The following TSPAN7 variants were observed in gnomAD, a reference collection of about 807,000 sequenced individuals.
TSPAN7 encodes the protein tetraspanin 7.
A neutral mutation model predicts 17.6 loss-of-function variants in TSPAN7; 1 was observed. The observed-to-expected ratio is 0.06, with a 90% confidence interval of 0.02 to 0.27. The LOEUF (loss-of-function observed/expected upper bound fraction) is 0.27. TSPAN7 is among the 10% of genes least tolerant of loss of function. TSPAN7 has a pLI of 1.00. For missense variants in TSPAN7, 112 were observed against 201.7 expected (o/e 0.56, Z 2.69); for synonymous variants, 78 against 79.0 (o/e 0.99, Z 0.07).
At chrX:38,566,142 G>T (rs2069142505) in intron 1 of TSPAN7, among the ~76,000 whole-genome samples, 1 of 112,127 alleles carries the variant, frequency 8.9e-6, no homozygotes, top group Non-Finnish European at 1.9e-5. Flanking sequence ...ACACAATCAC[G>T]TGAGAAGAAA....
chrX:38,569,110 T>C (rs2069156896), intron 1 of TSPAN7, among the ~76,000 whole-genome samples: 1 of 111,421 alleles, frequency 9.0e-6, no homozygotes, highest in African/African-American at 3.3e-5. Context: ...TTGCTCTTTT[T>C]TCTGTACGTG....
chrX:38,667,802 G>A (rs1460112284), intron 2 of TSPAN7, among the ~76,000 whole-genome samples: 3 of 111,629 alleles, frequency 2.7e-5, no homozygotes, highest in Non-Finnish European at 5.7e-5. Context: ...TAAACACTAG[G>A]GTTTCTTTTG....
intron 1 of TSPAN7, among the ~76,000 whole-genome samples, chrX:38,613,406 C>G (rs963039087): frequency 8.9e-6 from 1 of 112,048 alleles, no homozygotes; most frequent in Admixed American, 9.5e-5. Flanking sequence ...AGGCTTTTCT[C>G]AGATGTCTGG....
chrX:38,666,923 A>G (rs1379500338), intron 2 of TSPAN7, among the ~76,000 whole-genome samples: 2 of 112,014 alleles, frequency 1.8e-5, no homozygotes, highest in African/African-American at 3.2e-5. Context: ...ATTTTGAACT[A>G]TATCTTAGAA....
rs745551060 is a variant in TSPAN7, at chrX:38,583,958, T to C, written c.81+22331T>C. On this transcript the variant is annotated intron_variant, in intron 1 of 7. Coordinates refer to ENST00000378482, the MANE Select transcript of TSPAN7 (RefSeq NM_004615.4). ...TTCTTTTTTTTCTTTTCTTTTTTTT[T>C]TTTTTTTTTTTTTGAGATAGAGTCT... is the stretch of plus-strand genomic sequence containing the variant. Among the ~76,000 whole-genome samples the C allele has an allele frequency of 1.1e-4, 10 of 92,612 alleles. No homozygotes were observed. The South Asian group carries it at 3.6e-3, about 34-fold the overall frequency. 80.4% of individuals were successfully genotyped at this position (92,612 alleles called of 115,157 possible).
chrX:38,648,635 C>T (rs762176630), intron 1 of TSPAN7, among the ~76,000 whole-genome samples: 2 of 111,115 alleles, frequency 1.8e-5, no homozygotes, highest in African/African-American at 3.3e-5. Flanking sequence ...TTTTTGTCAT[C>T]GTGACAGGGT....
At chrX:38,606,108 ATC>A (rs2069380770) in intron 1 of TSPAN7, among the ~76,000 whole-genome samples, 1 of 108,527 alleles carries the variant, frequency 9.2e-6, no homozygotes, top group South Asian at 4.1e-4. Flanking sequence ...AGAAACTACC[ATC>A]AGAGTGAACA....
At chrX:38,682,540 G>C (rs747513691) in intron 6 of TSPAN7, among the ~76,000 whole-genome samples, 2 of 112,736 alleles carry the variant, frequency 1.8e-5, no homozygotes, top group South Asian at 7.3e-4. Context: ...TTCTTAAGCA[G>C]TTACAAAACC....
At chrX:38,575,260 T>C (rs957841258) in intron 1 of TSPAN7, among the ~76,000 whole-genome samples, 23 of 111,720 alleles carry the variant, frequency 2.1e-4, no homozygotes, top group Non-Finnish European at 2.8e-4. Flanking sequence ...TGCAAGGCCC[T>C]GAAACAGAAG....
chrX:38,591,879 T>C (rs1287965651), intron 1 of TSPAN7, among the ~76,000 whole-genome samples: 2 of 112,254 alleles, frequency 1.8e-5, no homozygotes, highest in African/African-American at 6.5e-5. Context: ...TAATCTGTTA[T>C]CGCACTGCTA....
intron 1 of TSPAN7, among the ~76,000 whole-genome samples, chrX:38,659,001 TACACACACACACACACACACACACACAC>T: frequency 1.0e-5 from 1 of 96,162 alleles, no homozygotes; most frequent in African/African-American, 3.9e-5. Flanking sequence ...TTATCTTCCA[TACACACACACACACACACACACACACAC>T]ACACACACAC....
At chrX:38,581,412 G>C (rs1351003079) in intron 1 of TSPAN7, among the ~76,000 whole-genome samples, 1 of 111,907 alleles carries the variant, frequency 8.9e-6, no homozygotes, top group Non-Finnish European at 1.9e-5. Flanking sequence ...GCAAGAGAGA[G>C]AGCATGTGTA....
chrX:38,583,594 AGT>A (rs775327280), intron 1 of TSPAN7, among the ~76,000 whole-genome samples: 164 of 112,302 alleles, frequency 1.5e-3, no homozygotes, highest in African/African-American at 5.2e-3. Context: ...AGCATTGATA[AGT>A]GTTCCAAAGG....
intron 6 of TSPAN7, among the ~76,000 whole-genome samples, chrX:38,684,277 G>A (rs997447646): frequency 1.9e-4 from 21 of 112,209 alleles, no homozygotes; most frequent in African/African-American, 3.2e-5. Context: ...TTTTTGAACA[G>A]CAGCAGGGTT....
At chrX:38,684,257 C>G (rs114427384) in intron 6 of TSPAN7, among the ~76,000 whole-genome samples, 4,680 of 112,051 alleles carry the variant, frequency 0.042, 225 homozygotes, top group African/African-American at 0.14. Flanking sequence ...TTGAAAGCTC[C>G]TGAGTGCTGT....
chrX:38,596,898 A>G (rs893231064), intron 1 of TSPAN7, among the ~76,000 whole-genome samples: 1 of 111,363 alleles, frequency 9.0e-6, no homozygotes, highest in South Asian at 3.8e-4. Flanking sequence ...AACCTGATTT[A>G]AAACTGAGCT....
At chrX:38,674,695 C>T (rs1026606086) in intron 4 of TSPAN7, among the ~76,000 whole-genome samples, 2 of 111,321 alleles carry the variant, frequency 1.8e-5, no homozygotes, top group African/African-American at 6.5e-5. Context: ...AGAGCTCAGG[C>T]GAGCTGCATT....
Position 38,589,064 on chromosome X carries a change from C to A in TSPAN7, c.81+27437C>A, listed in dbSNP as rs187064275. On this transcript the variant is annotated intron_variant, in intron 1 of 7. Transcript: ENST00000378482. ...GTGGCTATTTCACCCCAGGTCGCAGCCAGGTTAGCATTAGAAGGATGGATT... is the reference window on the plus strand; with the variant it reads ...GTGGCTATTTCACCCCAGGTCGCAGACAGGTTAGCATTAGAAGGATGGATT... 8.0e-5 allele frequency among the ~76,000 whole-genome samples: 9 copies of A among 111,868 alleles called. No homozygotes were observed. In the East Asian group the frequency reaches 2.0e-3, roughly 25 times the overall value.
chrX:38,682,177 T>C (rs2069897207), intron 6 of TSPAN7, among the ~76,000 whole-genome samples: 1 of 104,373 alleles, frequency 9.6e-6, no homozygotes, highest in Non-Finnish European at 1.9e-5. Flanking sequence ...ACAGCTCTCA[T>C]TTTTTATTAT....
Sources: gnomAD v4.1 joint callset for allele counts (sites outside exome capture counted in the v4.1 genomes callset) on GRCh38, gnomAD v4.1.1 for gene constraint, MANE v1.5 for transcripts, NCBI Gene and HGNC (gene_info 2026-07-23, HGNC 2026-07-21) for gene names.